BRAF: variants seen among roughly 807,000 people sequenced by gnomAD.
BRAF encodes the protein serine/threonine-protein kinase B-raf.
A neutral mutation model predicts 104.6 loss-of-function variants in BRAF; 16 were observed. That is an observed-to-expected ratio of 0.15 (90% CI 0.10 to 0.23). BRAF has a LOEUF of 0.23. Ranked by LOEUF, BRAF falls within the 10% of genes least tolerant of loss-of-function variation. BRAF has a pLI of 1.00. For missense variants in BRAF, 541 were observed against 937.3 expected (o/e 0.58, Z 5.52); for synonymous variants, 310 against 341.6 (o/e 0.91, Z 1.02).
intron 18 of BRAF, among the ~76,000 whole-genome samples, chr7:140,738,493 C>A (rs1157236737): frequency 6.6e-6 from 1 of 152,180 alleles, no homozygotes; most frequent in African/African-American, 2.4e-5. Flanking sequence ...TGAAACTGTA[C>A]TGATTCATCA....
At chr7:140,734,803 AAAAG>A in intron 18 of BRAF, 33 bp from the exon 18 acceptor site, 1 of 1,461,310 alleles carries the variant, frequency 6.8e-7, no homozygotes, top group Non-Finnish European at 8.9e-7. Context: ...AAAAGAAAAA[AAAAG>A]AAAAAAGAAA....
chr7:140,733,085 C>T, intron 19 of BRAF: 1 of 152,044 alleles, frequency 6.6e-6, no homozygotes, highest in African/African-American at 2.4e-5. Context: ...TGAATCAATT[C>T]TGATTCATAA....
intron 17 of BRAF, among the ~76,000 whole-genome samples, chr7:140,743,734 C>A (rs1038804427): frequency 6.6e-6 from 1 of 151,738 alleles, no homozygotes; most frequent in Non-Finnish European, 1.5e-5. Context: ...AAAAAAGGCA[C>A]ACCTTTTACC....
chr7:140,829,709 T>C (rs1400831216), intron 3 of BRAF, among the ~76,000 whole-genome samples: 1 of 152,198 alleles, frequency 6.6e-6, no homozygotes, highest in Admixed American at 6.5e-5. Flanking sequence ...CTCCCGCAGA[T>C]TACCAGTTTA....
At chr7:140,747,489 C>T (rs952455145) in intron 17 of BRAF, 122 of 1,004,060 alleles carry the variant, frequency 1.2e-4, no homozygotes, top group East Asian at 3.7e-4. Context: ...CTCTGGGATG[C>T]TTTTATCTGT....
At position 140,721,542 on chromosome 7, in the gene BRAF, A is replaced by C; in HGVS notation, c.*4952T>G. 1 of 1,443,826 alleles carries C rather than the reference A, an allele frequency of 6.9e-7. No homozygotes were observed. Among genetic ancestry groups the C allele is most frequent in the Non-Finnish European group, 9.1e-7 (1 of 1,102,450 alleles). The allele number at this position is 1,443,826 out of a possible 1,614,324, so 89.4% of individuals were successfully genotyped here. ...AACAAACATCTTACCAGTATTTTTA[A>C]TTTTACCAGAGCTAGCAACATGGAC... is the stretch of plus-strand genomic sequence containing the variant. On this transcript the variant is annotated 3_prime_UTR_variant, in exon 20 of 20. Transcript: ENST00000644969.
chr7:140,813,881 G>GCATA (rs1385136190), intron 3 of BRAF, among the ~76,000 whole-genome samples: 15 of 149,920 alleles, frequency 1.0e-4, no homozygotes, highest in South Asian at 6.4e-4. Flanking sequence ...GCATGCGGAC[G>GCATA]CATACATACA....
chr7:140,842,025 T>C (rs958169881), intron 2 of BRAF, among the ~76,000 whole-genome samples: 1 of 152,174 alleles, frequency 6.6e-6, no homozygotes, highest in Non-Finnish European at 1.5e-5. Context: ...TCTTACAAAC[T>C]GCCCATAAAT....
intron 17 of BRAF, among the ~76,000 whole-genome samples, chr7:140,746,859 A>G (rs1268535580): frequency 6.6e-6 from 1 of 151,820 alleles, no homozygotes. Context: ...AAAGAAAAAA[A>G]AAAGATACCC....
At chr7:140,777,872 T>C in intron 13 of BRAF, 119 bp downstream of exon 12, 1 of 1,019,156 alleles carries the variant, frequency 9.8e-7, no homozygotes, top group Non-Finnish European at 1.5e-6. Flanking sequence ...ACATACTCTG[T>C]TTCTACAAAT....
At chr7:140,895,442 C>G (rs1300476252) in intron 1 of BRAF, among the ~76,000 whole-genome samples, 4 of 152,160 alleles carry the variant, frequency 2.6e-5, no homozygotes, top group African/African-American at 9.7e-5. Context: ...TGGGAATATT[C>G]AATATCCTCC....
In BRAF at chr7:140,720,969, C is replaced by T; in HGVS notation, c.*5525G>A. 9.4e-7 allele frequency: 1 copy of T among 1,064,936 alleles called. No individual in the cohort carries two copies. The highest frequency in any genetic ancestry group is 4.6e-5 in the South Asian group (1 of 21,968). The allele number at this position is 1,064,936 out of a possible 1,614,324, so 66.0% of individuals were successfully genotyped here. A position where few individuals can be genotyped will look rare whatever the true frequency, so the allele number is the denominator to read the frequency against. On this transcript the variant is annotated 3_prime_UTR_variant, in exon 20 of 20. Transcript: ENST00000644969. ...AGCGGTCACGGTGCTGGAGAATGAA[C>T]TCGGCTGGCCGGGAGAAGCAGATGG...
intron 1 of BRAF, among the ~76,000 whole-genome samples, chr7:140,899,559 CATT>C (rs959048244): frequency 6.6e-6 from 1 of 152,110 alleles, no homozygotes; most frequent in African/African-American, 2.4e-5. Flanking sequence ...AATGGTCTCT[CATT>C]GTGGTTTTAA....
chr7:140,718,768 G>A (rs1286056137), downstream of BRAF, among the ~76,000 whole-genome samples: 2 of 152,274 alleles, frequency 1.3e-5, no homozygotes, highest in East Asian at 3.9e-4. Flanking sequence ...TACTCTAGGA[G>A]TTTTTCAGAC....
downstream of BRAF, among the ~76,000 whole-genome samples, chr7:140,717,279 A>G (rs1197140472): frequency 1.3e-5 from 2 of 151,476 alleles, no homozygotes; most frequent in East Asian, 1.9e-4. Flanking sequence ...GAGGAGTTGG[A>G]CCAGTTTTTT....
chr7:140,842,559 TCTA>T (rs1808079352), intron 2 of BRAF, among the ~76,000 whole-genome samples: 1 of 152,128 alleles, frequency 6.6e-6, no homozygotes, highest in Non-Finnish European at 1.5e-5. Flanking sequence ...GAAAGAAGAA[TCTA>T]CTACTAGAAA....
intron 1 of BRAF, among the ~76,000 whole-genome samples, chr7:140,873,736 T>G (rs908700259): frequency 9.9e-5 from 15 of 152,168 alleles, no homozygotes; most frequent in Non-Finnish European, 1.9e-4. Context: ...CTTGACTGAC[T>G]GAGCCTCTGC....
chr7:140,781,182 C>G (rs1800835036), intron 12 of BRAF: 1 of 235,620 alleles, frequency 4.2e-6, no homozygotes, highest in Non-Finnish European at 8.4e-6. Flanking sequence ...CAGCCAGCCT[C>G]AGCTTCCCAA....
intron 1 of BRAF, among the ~76,000 whole-genome samples, chr7:140,900,753 G>T (rs191190732): frequency 5.9e-5 from 9 of 152,308 alleles, no homozygotes; most frequent in Admixed American, 3.3e-4. Context: ...TGGGATTACA[G>T]GCGTGCACCA....
Sources: gnomAD v4.1 joint callset for allele counts (sites outside exome capture counted in the v4.1 genomes callset) on GRCh38, gnomAD v4.1.1 for gene constraint, MANE v1.5 for transcripts, NCBI Gene and HGNC (gene_info 2026-07-23, HGNC 2026-07-21) for gene names.